IFI44L: variants seen among roughly 807,000 people sequenced by gnomAD.
IFI44L encodes the protein interferon induced protein 44 like.
A neutral mutation model predicts 39.3 loss-of-function variants in IFI44L; 40 were observed. The ratio of observed to expected loss-of-function variants is 1.02; its 90% CI spans 0.79 to 1.33. IFI44L has a LOEUF of 1.33. Ranked by LOEUF, IFI44L falls within the 40% of genes most tolerant of loss-of-function variation. The probability of loss-of-function intolerance (pLI) is 0.00; values close to 1 mark genes in which losing one functional copy is unlikely to be tolerated. For missense variants in IFI44L, 623 were observed against 549.0 expected, an observed-to-expected ratio of 1.13 and a Z score of -1.35; for synonymous variants, 198 against 182.3, an observed-to-expected ratio of 1.09 and a Z score of -0.69.
chr1:78,638,376 C>T (rs1653029917), intron 6 of IFI44L, among the ~76,000 whole-genome samples: 1 of 152,088 alleles, frequency 6.6e-6, no homozygotes, highest in African/African-American at 2.4e-5. Flanking sequence ...TAGTTTCTCC[C>T]AGTCTGTAGT....
intron 5 of IFI44L, chr1:78,635,895 T>C (rs1652932435): frequency 5.5e-6 from 1 of 180,222 alleles, no homozygotes; most frequent in African/African-American, 2.4e-5. Flanking sequence ...CACCACTAAA[T>C]ACCTAGATTC....
chr1:78,621,644 C>T (rs1399327562), intron 1 of IFI44L, among the ~76,000 whole-genome samples: 1 of 151,884 alleles, frequency 6.6e-6, no homozygotes, highest in Non-Finnish European at 1.5e-5. Context: ...AAATTATTGT[C>T]ATAATTGTTT....
rs1647034004 is a variant in IFI44L, at chr1:78,645,244, A to G, written c.*3435A>G. On this transcript the variant is annotated 3_prime_UTR_variant, in exon 9 of 9. Coordinates refer to ENST00000370751, the MANE Select transcript of IFI44L (RefSeq NM_006820.4). ...GCCTCTTCTTTTTCTTTGAAAACCT[A>G]CTTATAACTGTTGCTAATAAGAATG... The G allele has an allele frequency of 6.6e-6, 1 of 152,180 alleles. No individual in the cohort carries two copies. The highest frequency in any genetic ancestry group is 2.1e-4 in the South Asian group (1 of 4,836). The allele number at this position is 152,180 out of a possible 1,614,324, so 9.4% of individuals were successfully genotyped here. A position where few individuals can be genotyped will look rare whatever the true frequency, so the allele number is the denominator to read the frequency against.
At chr1:78,639,569 C>T (rs1653080644) in intron 6 of IFI44L, among the ~76,000 whole-genome samples, 1 of 152,092 alleles carries the variant, frequency 6.6e-6, no homozygotes, top group Non-Finnish European at 1.5e-5. Flanking sequence ...ACCTAGAGAG[C>T]TCATCTCTGT....
intron 1 of IFI44L, among the ~76,000 whole-genome samples, chr1:78,622,322 C>A (rs1318126288): frequency 6.6e-6 from 1 of 152,070 alleles, no homozygotes; most frequent in Non-Finnish European, 1.5e-5. Context: ...CTTTATCCAT[C>A]CACTTATGGA....
chr1:78,623,612 T>C (rs1652370135), intron 1 of IFI44L, among the ~76,000 whole-genome samples: 1 of 152,062 alleles, frequency 6.6e-6, no homozygotes, highest in Non-Finnish European at 1.5e-5. Flanking sequence ...AGTCTCACTA[T>C]CTGCCACCTG....
At chr1:78,634,421 A>G (rs1210640940) in intron 4 of IFI44L, among the ~76,000 whole-genome samples, 3 of 152,168 alleles carry the variant, frequency 2.0e-5, no homozygotes, top group African/African-American at 7.2e-5. Context: ...GAAATATTCA[A>G]AGTGCTAAAA....
chr1:78,639,102 T>C (rs931253917), intron 6 of IFI44L, among the ~76,000 whole-genome samples: 2 of 152,072 alleles, frequency 1.3e-5, no homozygotes, highest in African/African-American at 2.4e-5. Context: ...CGAAGGTTAA[T>C]GAAGGCTAAA....
At position 78,641,617 on chromosome 1, in the gene IFI44L, G is replaced by C; in HGVS notation, c.1324+8G>C. On this transcript the variant is annotated splice_region_variant and intron_variant, in intron 8 of 8. Coordinates refer to ENST00000370751, the MANE Select transcript of IFI44L (RefSeq NM_006820.4). ...TGCCTCTTGAGGAAACTGGTAATCTGGCCCTTTTCTCCCCCTGTCATAGAT... is the reference window on the plus strand; with the variant it reads ...TGCCTCTTGAGGAAACTGGTAATCTCGCCCTTTTCTCCCCCTGTCATAGAT... 1 of 1,612,760 alleles carries C rather than the reference G, an allele frequency of 6.2e-7. No individual in the cohort carries two copies. Among genetic ancestry groups the C allele is most frequent in the South Asian group, 1.1e-5 (1 of 91,052 alleles).
At chr1:78,631,483 T>C (rs1466304642) in intron 4 of IFI44L, 3 of 152,188 alleles carry the variant, frequency 2.0e-5, no homozygotes, top group South Asian at 2.1e-4. Flanking sequence ...CTGGTTTGAG[T>C]GATACTACAC....
intron 6 of IFI44L, among the ~76,000 whole-genome samples, chr1:78,637,415 T>G (rs532484794): frequency 1.3e-5 from 2 of 152,236 alleles, no homozygotes; most frequent in East Asian, 3.9e-4. Flanking sequence ...GCCAACCATT[T>G]TTTTTTCGTG....
chr1:78,632,149 T>C (rs1392704260), intron 4 of IFI44L, among the ~76,000 whole-genome samples: 2 of 152,274 alleles, frequency 1.3e-5, no homozygotes, highest in Admixed American at 1.3e-4. Context: ...TGTGACATCA[T>C]TTTTACTGGA....
At position 78,641,119 on chromosome 1, in the gene IFI44L, C is replaced by T. The variant is rs771809041; in HGVS notation, c.1147C>T (p.Arg383Trp). Reference protein sequence around the residue: ...NMSRSMTSQSRVMNVHKMLGI... With the variant: ...NMSRSMTSQSWVMNVHKMLGI... ...GAGTAGATCTATGACTTCTCAAAGC[C>T]GGGTAAAAAATGCTGATCATAACCA... is the stretch of plus-strand genomic sequence containing the variant. Residue 383 changes from arginine (R) to tryptophan (W), a missense_variant and splice_region_variant, in exon 7 of 9, where the codon CGG becomes TGG. Physicochemically the swap from Arg to Trp is moderately radical, Grantham distance 101. Transcript: ENST00000370751. The T allele has an allele frequency of 3.8e-5, 61 of 1,601,308 alleles. No individual in the cohort carries two copies. In the South Asian group the frequency reaches 4.2e-4, roughly 11 times the overall value.
intron 3 of IFI44L, among the ~76,000 whole-genome samples, chr1:78,629,471 T>C (rs1051566060): frequency 1.3e-5 from 2 of 152,172 alleles, no homozygotes; most frequent in Admixed American, 6.6e-5. Flanking sequence ...AGTTGAAAAA[T>C]GGTTTGGTTG....
rs974503075 is a variant in IFI44L at position 78,644,720 on chromosome 1, ATTC to A, written c.*2917_*2919del. ...TGTACAGCTCAGTCAAAGACACTAAATTCTTCTTAGAAAAATAGTGCTAAGGAG... is the reference window on the plus strand; with the variant it reads ...TGTACAGCTCAGTCAAAGACACTAAATTCTTAGAAAAATAGTGCTAAGGAG... On this transcript the variant is annotated 3_prime_UTR_variant, in exon 9 of 9. Transcript: ENST00000370751. 1 of 152,186 alleles carries A rather than the reference ATTC, an allele frequency of 6.6e-6. No individual in the cohort carries two copies. Among genetic ancestry groups the A allele is most frequent in the Non-Finnish European group, 1.5e-5 (1 of 68,028 alleles). 9.4% of individuals were successfully genotyped at this position (152,186 alleles called of 1,614,324 possible).
In IFI44L at chr1:78,622,627, A is replaced by G. The variant is rs1006619160; in HGVS notation, c.-11+2056A>G. Among the ~76,000 whole-genome samples, 10 of 152,042 alleles carry G rather than the reference A, an allele frequency of 6.6e-5. No individual in the cohort carries two copies. The East Asian group carries it at 1.9e-3, about 29-fold the overall frequency. ...TAACAAATAGAATTTGGCAAATGTG[A>G]TATGTTAAGATTATAATGTCTGCTA... On this transcript the variant is annotated intron_variant, in intron 1 of 8. Coordinates refer to ENST00000370751, the MANE Select transcript of IFI44L (RefSeq NM_006820.4).
chr1:78,622,006 T>C (rs774834746), intron 1 of IFI44L, among the ~76,000 whole-genome samples: 9 of 152,164 alleles, frequency 5.9e-5, no homozygotes, highest in Non-Finnish European at 7.4e-5. Context: ...TACTTTGTTG[T>C]TGACTAATAG....
At chr1:78,622,925 C>T (rs1257665982) in intron 1 of IFI44L, among the ~76,000 whole-genome samples, 4 of 152,168 alleles carry the variant, frequency 2.6e-5, no homozygotes, top group African/African-American at 9.7e-5. Flanking sequence ...TGATAACTGC[C>T]TCATGAAAAA....
At chr1:78,641,630 C>T (rs1441348041) in intron 8 of IFI44L, 21 bp downstream of exon 8, 1 of 1,612,420 alleles carries the variant, frequency 6.2e-7, no homozygotes, top group South Asian at 1.1e-5. Flanking sequence ...CCTTTTCTCC[C>T]CCTGTCATAG....
Sources: gnomAD v4.1 joint callset for allele counts (sites outside exome capture counted in the v4.1 genomes callset) on GRCh38, gnomAD v4.1.1 for gene constraint, MANE v1.5 for transcripts, NCBI Gene and HGNC (gene_info 2026-07-23, HGNC 2026-07-21) for gene names.